The following CCNY variants were observed in gnomAD, a reference collection of about 807,000 sequenced individuals.
CCNY encodes cyclin Y.
CCNY carries 19 observed loss-of-function variants against 42.8 expected under a neutral mutation model. The ratio of observed to expected loss-of-function variants is 0.44; its 90% CI spans 0.31 to 0.65. The LOEUF (loss-of-function observed/expected upper bound fraction) is 0.65, where lower values mean the gene tolerates loss of function less well. Ranked by LOEUF, CCNY falls within the 30% of genes least tolerant of loss-of-function variation. CCNY has a pLI of 0.07. For synonymous variants in CCNY, 165 were observed against 162.7 expected (o/e 1.01, Z -0.11); for missense variants, 370 against 437.3 (o/e 0.85, Z 1.37).
chr10:35,507,441 T>C (rs903244730), intron 3 of CCNY, among the ~76,000 whole-genome samples: 2 of 152,198 alleles, frequency 1.3e-5, no homozygotes, highest in African/African-American at 4.8e-5. Flanking sequence ...TCATTGTCTT[T>C]TATTATTTTT....
chr10:35,401,819 T>TA (rs1837651541), intron 1 of CCNY, among the ~76,000 whole-genome samples: 1 of 152,190 alleles, frequency 6.6e-6, no homozygotes, highest in Admixed American at 6.5e-5. Flanking sequence ...CGGGGAGAAT[T>TA]ACCAAGAACC....
At chr10:35,406,503 C>A (rs1295174071) in intron 1 of CCNY, among the ~76,000 whole-genome samples, 5 of 152,036 alleles carry the variant, frequency 3.3e-5, no homozygotes, top group Non-Finnish European at 7.4e-5. Flanking sequence ...CCATTTAACC[C>A]TGAGTGGACA....
chr10:35,327,683 G>GTATA (rs1835896010), intron 3 of CCNY: 1 of 152,190 alleles, frequency 6.6e-6, no homozygotes, highest in South Asian at 2.1e-4. Flanking sequence ...GTTGAGCACT[G>GTATA]TATACACAGA....
intron 1 of CCNY, among the ~76,000 whole-genome samples, chr10:35,392,878 G>A (rs890136789): frequency 3.3e-5 from 5 of 152,134 alleles, no homozygotes. Context: ...AGTCTCCTTC[G>A]AGTCCTCTTT....
chr10:35,542,443 T>G (rs983173811), intron 7 of CCNY, among the ~76,000 whole-genome samples: 1 of 152,116 alleles, frequency 6.6e-6, no homozygotes, highest in Non-Finnish European at 1.5e-5. Flanking sequence ...TAGTCACTCT[T>G]TTTCTCCACT....
In CCNY at chr10:35,423,382, C is replaced by T. The variant is rs3013359; in HGVS notation, c.155-60022C>T. 9.3e-3 allele frequency among the ~76,000 whole-genome samples: 1,413 copies of T among 151,576 alleles called. 17 individuals are homozygous for T. The highest frequency in any genetic ancestry group is 0.015 in the Non-Finnish European group (1,027 of 67,924). On this transcript the variant is annotated intron_variant, in intron 1 of 9. Coordinates refer to ENST00000374704, the MANE Select transcript of CCNY (RefSeq NM_145012.6). ...CTCAACTACTTGGGAGGCTGAGGTC[C>T]GCGGATTACCTGAGCCCAGGGAGGT...
intron 7 of CCNY, among the ~76,000 whole-genome samples, chr10:35,541,291 A>G (rs1840995325): frequency 6.6e-6 from 1 of 152,166 alleles, no homozygotes; most frequent in Admixed American, 6.5e-5. Flanking sequence ...TAAATCCCAC[A>G]TCCAGTTTAT....
intron 1 of CCNY, among the ~76,000 whole-genome samples, chr10:35,370,965 T>C (rs1836923160): frequency 6.6e-6 from 1 of 152,182 alleles, no homozygotes; most frequent in East Asian, 1.9e-4. Context: ...TCCGTCCGCC[T>C]CGGCCTCTCA....
chr10:35,458,572 G>C (rs972177679), intron 1 of CCNY, among the ~76,000 whole-genome samples: 8 of 152,208 alleles, frequency 5.3e-5, no homozygotes, highest in Non-Finnish European at 1.2e-4. Context: ...ATTTTGCAGT[G>C]AACAAAGGAG....
intron 3 of CCNY, among the ~76,000 whole-genome samples, chr10:35,296,825 C>A (rs1233201993): frequency 6.6e-6 from 1 of 152,066 alleles, no homozygotes; most frequent in Non-Finnish European, 1.5e-5. Flanking sequence ...AGCCTACCAA[C>A]CAAGAAAAGC....
At chr10:35,516,699 A>C in intron 4 of CCNY, 76 bp downstream of exon 4, 1 of 760,580 alleles carries the variant, frequency 1.3e-6, no homozygotes, top group Non-Finnish European at 1.9e-6. Context: ...ACTTAACTGA[A>C]TGCTTTTTCT....
chr10:35,512,471 A>G (rs1280900341), intron 3 of CCNY, among the ~76,000 whole-genome samples: 1 of 152,244 alleles, frequency 6.6e-6, no homozygotes, highest in Non-Finnish European at 1.5e-5. Flanking sequence ...AGCCAGAAAG[A>G]TGGGGGAAAG....
At chr10:35,543,600 C>T (rs1224063734) in intron 7 of CCNY, among the ~76,000 whole-genome samples, 3 of 147,828 alleles carry the variant, frequency 2.0e-5, no homozygotes, top group Non-Finnish European at 3.0e-5. Flanking sequence ...AGCATGTGCA[C>T]GGTACATATA....
chr10:35,311,923 C>G (rs1193461968), intron 3 of CCNY, among the ~76,000 whole-genome samples: 2 of 151,934 alleles, frequency 1.3e-5, no homozygotes, highest in African/African-American at 4.8e-5. Flanking sequence ...GAGTTTGTGG[C>G]CACAGTGAGC....
chr10:35,548,151 A>G (rs1417804200), intron 7 of CCNY, among the ~76,000 whole-genome samples: 2 of 152,050 alleles, frequency 1.3e-5, no homozygotes, highest in East Asian at 3.8e-4. Context: ...TACCTGTAAC[A>G]TAAACATTTG....
chr10:35,507,525 CCAAGGCTATTCTCTGTGTAACCA>C (rs1287265627), intron 3 of CCNY, among the ~76,000 whole-genome samples: 1 of 152,142 alleles, frequency 6.6e-6, no homozygotes, highest in African/African-American at 2.4e-5. Context: ...TTTCCTAAGA[CCAAGGCTATTCTCTGTGTAACCA>C]CAATATTATC....
intron 1 of CCNY, among the ~76,000 whole-genome samples, chr10:35,418,021 A>T (rs908775477): frequency 7.9e-5 from 12 of 152,228 alleles, no homozygotes; most frequent in African/African-American, 2.7e-4. Context: ...TGTCTCCTTT[A>T]GGAAAAATCA....
intron 1 of CCNY, among the ~76,000 whole-genome samples, chr10:35,348,965 C>T (rs1320620462): frequency 6.6e-6 from 1 of 151,728 alleles, no homozygotes; most frequent in African/African-American, 2.4e-5. Context: ...AATCCAGTGA[C>T]CCTTGAACAA....
chr10:35,468,237 A>T (rs1839309958), intron 1 of CCNY, among the ~76,000 whole-genome samples: 1 of 152,188 alleles, frequency 6.6e-6, no homozygotes, highest in Non-Finnish European at 1.5e-5. Context: ...GGCCTCTTTC[A>T]TAAGGGCGCT....
Sources: allele counts gnomAD v4.1 joint callset (sites outside exome capture counted in the v4.1 genomes callset), GRCh38; gene constraint gnomAD v4.1.1; transcripts MANE v1.5; gene names NCBI Gene and HGNC (gene_info 2026-07-23, HGNC 2026-07-21).